Variants in GJB6 observed in about 807,000 individuals in gnomAD.
The protein encoded by GJB6 is gap junction beta-6 protein.
Under a neutral mutation model 5.4 loss-of-function variants are expected in GJB6, and 5 were observed. The ratio of observed to expected loss-of-function variants is 0.92; its 90% confidence interval spans 0.48 to 1.93. The LOEUF is 1.93. GJB6 is among the 30% of genes most tolerant of loss of function. The pLI is 0.01. For synonymous variants in GJB6, 136 were observed against 129.6 expected, an observed-to-expected ratio of 1.05 and a Z score of -0.34; for missense variants, 298 against 326.9, an observed-to-expected ratio of 0.91 and a Z score of 0.68.
rs1198244851 is a variant in GJB6, at chr13:20,222,903, A to G, written c.578T>C (p.Ile193Thr). 1 of 1,614,044 alleles carries G rather than the reference A, an allele frequency of 6.2e-7. No individual in the cohort carries two copies. The highest frequency in any genetic ancestry group is 8.5e-7 in the Non-Finnish European group (1 of 1,180,022). The change falls in exon 5 of 5, where the codon ATT becomes ACT. Residue 193 changes from isoleucine to threonine, a missense_variant. Coordinates refer to ENST00000647029, the MANE Select transcript of GJB6 (RefSeq NM_001110219.3). ...AATCACAGACGCAGAAATCATAAAA[A>G]TGGTAAACACGGTCTTCTCTGTTGG... ...SRPTEKTVFT[I>T]FMISASVICM...
chr13:20,229,508 G>C (rs529826085), intron 4 of GJB6, 72 bp downstream of exon 4: 5 of 151,740 alleles, frequency 3.3e-5, no homozygotes, highest in Non-Finnish European at 7.4e-5. Context: ...TCCCAATTTC[G>C]AAGTTAGCTT....
chr13:20,224,226 A>G (rs1566539560), intron 4 of GJB6, among the ~76,000 whole-genome samples: 1 of 152,292 alleles, frequency 6.6e-6, no homozygotes, highest in South Asian at 2.1e-4. Context: ...GGGGGAAAAA[A>G]AACTTTCATT....
intron 2 of GJB6, 67 bp downstream of exon 2, chr13:20,231,315 T>G (rs1361185669): frequency 6.6e-6 from 1 of 152,208 alleles, no homozygotes; most frequent in Non-Finnish European, 1.5e-5. Context: ...GCTGGGCCAG[T>G]GTCCCCGCCT....
chr13:20,222,168 C>T lies in GJB6; in HGVS notation c.*527G>A, dbSNP rs1225013065. 6.3e-6 allele frequency: 1 copy of T among 157,956 alleles called. No homozygotes were observed. The highest frequency in any genetic ancestry group is 2.4e-5 in the African/African-American group (1 of 41,468). 9.8% of individuals were successfully genotyped at this position (157,956 alleles called of 1,614,324 possible). On this transcript the variant is annotated 3_prime_UTR_variant, in exon 5 of 5. Coordinates refer to ENST00000647029, the MANE Select transcript of GJB6 (RefSeq NM_001110219.3). ...GACAGTTCACAAATTTGCCAACAGA[C>T]AATGCAAAACAATATTTACAAGATA...
At chr13:20,224,408 TA>T (rs760223196) in intron 4 of GJB6, among the ~76,000 whole-genome samples, 10 of 152,232 alleles carry the variant, frequency 6.6e-5, no homozygotes, top group Admixed American at 1.3e-4. Flanking sequence ...AAGCCTCTTC[TA>T]AAAGAGATTC....
In GJB6 at chr13:20,222,452, C is replaced by T; in HGVS notation, c.*243G>A. 3 of 516,838 alleles carry T rather than the reference C, an allele frequency of 5.8e-6. No homozygotes were observed. The highest frequency in any genetic ancestry group is 6.9e-6 in the Non-Finnish European group (2 of 291,530). The allele number at this position is 516,838 out of a possible 1,614,324, so 32.0% of individuals were successfully genotyped here. Reference sequence around the variant, plus strand: ...GTCAGAGAGTCCACTTAAAAGGAACCTGTCAAAGTGACTGCAATGCTCCTT... The same window carrying T: ...GTCAGAGAGTCCACTTAAAAGGAACTTGTCAAAGTGACTGCAATGCTCCTT... On this transcript the variant is annotated 3_prime_UTR_variant, in exon 5 of 5. Transcript: ENST00000647029.
At position 20,222,863 on chromosome 13, in the gene GJB6, G is replaced by A. The variant is rs547428597; in HGVS notation, c.618C>T (p.Asn206=). Residue 206 remains asparagine, a synonymous_variant, in exon 5 of 5, where the codon AAC becomes AAT. Coordinates refer to ENST00000647029, the MANE Select transcript of GJB6 (RefSeq NM_001110219.3). The part of the protein sequence containing the change: ...ISASVICMLL[N]VAELCYLLLK... ...GCAGCAGGTAGCACAACTCTGCCAC[G>A]TTAAGCAGCATGCAAATCACAGACG... 2.2e-5 allele frequency: 35 copies of A among 1,613,960 alleles called. No homozygotes were observed. The highest frequency in any genetic ancestry group is 3.3e-5 in the Admixed American group (2 of 60,000).
intron 3 of GJB6, 183 bp from the exon 4 acceptor site, chr13:20,229,932 A>G (rs1179413055): frequency 6.6e-6 from 1 of 151,914 alleles, no homozygotes; most frequent in African/African-American, 2.4e-5. Flanking sequence ...CAAAATAATC[A>G]AAGGTGCTCT....
chr13:20,228,776 G>T (rs530661706), intron 4 of GJB6, among the ~76,000 whole-genome samples: 2 of 151,834 alleles, frequency 1.3e-5, no homozygotes, highest in African/African-American at 4.8e-5. Flanking sequence ...GAGCCACCGC[G>T]CCCGGCCCAT....
intron 4 of GJB6, among the ~76,000 whole-genome samples, chr13:20,229,123 CAAAAA>C (rs5802041): frequency 8.4e-4 from 37 of 43,874 alleles, no homozygotes; most frequent in African/African-American, 3.4e-3. Context: ...TGTCATTTAG[CAAAAA>C]AAAAAAAAAA....
intron 4 of GJB6, chr13:20,225,799 C>A (rs1399299305): frequency 6.6e-6 from 1 of 152,194 alleles, no homozygotes; most frequent in African/African-American, 2.4e-5. Context: ...GGCAATGGCA[C>A]CGAGTCTTGG....
chr13:20,225,901 A>G (rs1159422372), intron 4 of GJB6, among the ~76,000 whole-genome samples: 1 of 152,122 alleles, frequency 6.6e-6, no homozygotes, highest in Non-Finnish European at 1.5e-5. Flanking sequence ...ATTTTACTTC[A>G]GGAATATCAG....
In GJB6 at chr13:20,223,366, C is replaced by G. The variant is rs1473999879; in HGVS notation, c.115G>C (p.Ala39Pro). The stretch of plus-strand genomic sequence containing the variant: ...TCGTCACCCCACACTTCCTGGGCAG[C>G]CACCACGAGGATCATGACTCGGAAA... ...FIFRVMILVV[A>P]AQEVWGDEQE... The change falls in exon 5 of 5, where the codon GCT becomes CCT. Residue 39 changes from alanine (A) to proline (P), a missense_variant. Ala to Pro is a conservative substitution (Grantham distance 27). Transcript: ENST00000647029. 1 of 1,614,178 alleles carries G rather than the reference C, an allele frequency of 6.2e-7. No individual in the cohort carries two copies. The highest frequency in any genetic ancestry group is 1.1e-5 in the South Asian group (1 of 91,078).
Position 20,229,579 on chromosome 13 carries a change from C to T in GJB6, c.-16+1G>A, listed in dbSNP as rs946061258. The stretch of plus-strand genomic sequence containing the variant: ...ACAATATCAAAGCAAAACAAGCAAA[C>T]CTGAGTCCTGTTTCCAACGACTGCC... On this transcript the variant is annotated splice_donor_variant, in intron 4 of 4. Coordinates refer to ENST00000647029, the MANE Select transcript of GJB6 (RefSeq NM_001110219.3). LOFTEE classifies it low-confidence loss of function (5UTR_SPLICE). 5.3e-5 allele frequency: 8 copies of T among 152,016 alleles called. No homozygotes were observed. Among genetic ancestry groups the T allele is most frequent in the Non-Finnish European group, 1.2e-4 (8 of 68,040 alleles). 9.4% of individuals were successfully genotyped at this position (152,016 alleles called of 1,614,324 possible). A position where few individuals can be genotyped will look rare whatever the true frequency, so the allele number is the denominator to read the frequency against.
At chr13:20,228,766 G>A (rs1869827484) in intron 4 of GJB6, among the ~76,000 whole-genome samples, 1 of 151,956 alleles carries the variant, frequency 6.6e-6, no homozygotes, top group African/African-American at 2.4e-5. Flanking sequence ...TTACAAGCAT[G>A]AGCCACCGCG....
At position 20,222,869 on chromosome 13, in the gene GJB6, C is replaced by T; in HGVS notation, c.612G>A (p.Leu204=). The T allele has an allele frequency of 6.2e-7, 1 of 1,614,120 alleles. No individual in the cohort carries two copies. The highest frequency in any genetic ancestry group is 1.3e-5 in the African/African-American group (1 of 75,024). The change falls in exon 5 of 5, where the codon CTG becomes CTA. Residue 204 remains leucine, a synonymous_variant. Transcript: ENST00000647029. Reference sequence around the variant, plus strand: ...GGTAGCACAACTCTGCCACGTTAAGCAGCATGCAAATCACAGACGCAGAAA... The same window carrying T: ...GGTAGCACAACTCTGCCACGTTAAGTAGCATGCAAATCACAGACGCAGAAA... ...FMISASVICM[L]LNVAELCYLL...
intron 4 of GJB6, among the ~76,000 whole-genome samples, chr13:20,228,337 C>A (rs77903198): frequency 0.087 from 13,237 of 152,214 alleles, 745 homozygotes; most frequent in East Asian, 0.26. Flanking sequence ...AGAATAGATA[C>A]GCTTAGCTTC....
chr13:20,228,082 GAGA>G (rs1312791233), intron 4 of GJB6, among the ~76,000 whole-genome samples: 1 of 152,206 alleles, frequency 6.6e-6, no homozygotes, highest in Non-Finnish European at 1.5e-5. Context: ...CTCTTGGTTG[GAGA>G]AGATTTGAAG....
rs1240461240 is a variant in GJB6, at chr13:20,229,732, G to C, written c.-168C>G. 1.3e-5 allele frequency: 2 copies of C among 151,468 alleles called. No individual in the cohort carries two copies. The highest frequency in any genetic ancestry group is 2.9e-5 in the Non-Finnish European group (2 of 67,988). 9.4% of individuals were successfully genotyped at this position (151,468 alleles called of 1,614,324 possible). ...ATGATACGAATGTCAATCTTTGCTC[G>C]GTCAGTGAGGATGTCGCCTGTTGAG... On this transcript the variant is annotated 5_prime_UTR_variant, in exon 4 of 5. Transcript: ENST00000647029.
Sources: gnomAD v4.1 joint callset for allele counts (sites outside exome capture counted in the v4.1 genomes callset) on GRCh38, gnomAD v4.1.1 for gene constraint, MANE v1.5 for transcripts, NCBI Gene and HGNC (gene_info 2026-07-23, HGNC 2026-07-21) for gene names.